Variants in CDH23 observed in about 807,000 individuals in gnomAD.
CDH23 encodes cadherin related 23, also known as cadherin-23.
Under a neutral mutation model 317.1 loss-of-function variants are expected in CDH23, and 189 were observed. That is an observed-to-expected ratio of 0.60 (90% CI 0.53 to 0.67). The LOEUF (loss-of-function observed/expected upper bound fraction) is 0.67, where lower values mean the gene tolerates loss of function less well. Ranked by LOEUF, CDH23 falls within the 30% of genes least tolerant of loss-of-function variation. The probability of loss-of-function intolerance (pLI) is 0.00; values close to 1 mark genes in which losing one functional copy is unlikely to be tolerated. For synonymous variants in CDH23, 1,839 were observed against 1,876.8 expected (o/e 0.98, Z 0.52); for missense variants, 4,401 against 4,592.4 (o/e 0.96, Z 1.20).
intron 9 of CDH23, among the ~76,000 whole-genome samples, chr10:71,601,704 A>G (rs551000870): frequency 6.6e-6 from 1 of 152,328 alleles, no homozygotes; most frequent in Admixed American, 6.5e-5. Flanking sequence ...AGCCAGGGCA[A>G]CTAGCTCTGA....
intron 8 of CDH23, among the ~76,000 whole-genome samples, chr10:71,572,782 A>G (rs373450877): frequency 2.0e-5 from 3 of 152,196 alleles, no homozygotes; most frequent in South Asian, 4.1e-4. Flanking sequence ...CCACTTAATT[A>G]TAGTCTCGCC....
rs778629574 is a variant in CDH23, at chr10:71,809,959, C to T, written c.8862C>T (p.Asp2954=). 2 of 1,612,406 alleles carry T rather than the reference C, an allele frequency of 1.2e-6. No homozygotes were observed. The highest frequency in any genetic ancestry group is 2.2e-5 in the East Asian group (1 of 44,886). Residue 2954 remains aspartate, a synonymous_variant, in exon 61 of 70, where the codon GAC becomes GAT. Coordinates refer to ENST00000224721, the MANE Select transcript of CDH23 (RefSeq NM_022124.6). The part of the protein sequence containing the change: ...AIIGIYILRD[D]QRVKIVINEI... ...TCGGCATCTACATCCTGAGGGACGACCAGCGCGTCAAGATCGTCATTAACG... is the reference window on the plus strand; with the variant it reads ...TCGGCATCTACATCCTGAGGGACGATCAGCGCGTCAAGATCGTCATTAACG...
At chr10:71,440,413 C>G (rs1849820188) in intron 2 of CDH23, among the ~76,000 whole-genome samples, 1 of 152,090 alleles carries the variant, frequency 6.6e-6, no homozygotes. Context: ...GGGCGCGGCT[C>G]CAGGGATGTC....
At chr10:71,773,348 C>T in intron 38 of CDH23, 1 of 1,603,338 alleles carries the variant, frequency 6.2e-7, no homozygotes, top group Non-Finnish European at 8.5e-7. Flanking sequence ...CCCGCCTCCC[C>T]CGACCTTACC....
intron 3 of CDH23, among the ~76,000 whole-genome samples, chr10:71,469,561 C>T (rs1157051676): frequency 1.2e-4 from 18 of 152,010 alleles, no homozygotes; most frequent in Admixed American, 1.2e-3. Flanking sequence ...TGGGTTATTT[C>T]CAGTTTTTGG....
In CDH23 at chr10:71,613,094, C is replaced by A. The variant is rs551676478; in HGVS notation, c.833-2410C>A. 5.3e-5 allele frequency among the ~76,000 whole-genome samples: 8 copies of A among 152,302 alleles called. No homozygotes were observed. In the East Asian group the frequency reaches 1.5e-3, roughly 29 times the overall value. ...GAACTCCTGACTTCAAGTGATCTGC[C>A]CATCTCCGCCTCCCAAAGTGCTGGG... On this transcript the variant is annotated intron_variant, in intron 9 of 69. Transcript: ENST00000224721.
At chr10:71,684,472 T>A (rs778594012) in intron 18 of CDH23, among the ~76,000 whole-genome samples, 44 of 152,164 alleles carry the variant, frequency 2.9e-4, no homozygotes, top group Non-Finnish European at 6.2e-4. Flanking sequence ...GGGGTGTGGC[T>A]GTGGAAAGAG....
At chr10:71,688,969 AGTCCAGGGG>A (rs1564733684) in intron 19 of CDH23, among the ~76,000 whole-genome samples, 27 of 2,286 alleles carry the variant, frequency 0.012, no homozygotes, top group African/African-American at 0.015. Context: ...GGGGTGGTGG[AGTCCAGGGG>A]TGGTGGAGTC....
intron 6 of CDH23, among the ~76,000 whole-genome samples, chr10:71,549,155 G>A (rs2132308425): frequency 6.6e-6 from 1 of 152,378 alleles, no homozygotes; most frequent in South Asian, 2.1e-4. Context: ...CAGCTAAAAG[G>A]CATTCACCTC....
intron 40 of CDH23, 101 bp from the exon 41 acceptor site, chr10:71,779,166 A>C: frequency 1.8e-6 from 2 of 1,131,430 alleles, no homozygotes; most frequent in Admixed American, 3.8e-5. Flanking sequence ...CATGGGCCTC[A>C]TGAGGCAGAA....
chr10:71,599,364 G>C (rs906487266), intron 9 of CDH23, among the ~76,000 whole-genome samples: 1 of 152,136 alleles, frequency 6.6e-6, no homozygotes, highest in African/African-American at 2.4e-5. Context: ...TGGCATCCCT[G>C]ACTTGAATGT....
intron 1 of CDH23, among the ~76,000 whole-genome samples, chr10:71,422,205 T>C (rs770058615): frequency 3.9e-5 from 6 of 152,196 alleles, no homozygotes; most frequent in Middle Eastern, 3.4e-3. Context: ...GAGCACTGGA[T>C]TGGGTGTCAA....
At chr10:71,587,172 G>A (rs1473557717) in intron 9 of CDH23, among the ~76,000 whole-genome samples, 2 of 152,206 alleles carry the variant, frequency 1.3e-5, no homozygotes, top group Admixed American at 1.3e-4. Flanking sequence ...GCAAATGAGC[G>A]GCAGATCCAG....
chr10:71,812,083 T>G, intron 66 of CDH23, 68 bp downstream of exon 66: 2 of 1,612,070 alleles, frequency 1.2e-6, no homozygotes, highest in Non-Finnish European at 8.5e-7. Context: ...TGGGGAGAGC[T>G]GCAGTCTCCC....
rs540884391 is a variant in CDH23 at position 71,732,815 on chromosome 10, C to T, written c.4104+440C>T. 84 of 588,698 alleles carry T rather than the reference C, an allele frequency of 1.4e-4. No individual in the cohort carries two copies. The African/African-American group carries it at 1.7e-3, about 12-fold the overall frequency. The allele number at this position is 588,698 out of a possible 1,614,324, so 36.5% of individuals were successfully genotyped here. On this transcript the variant is annotated intron_variant, in intron 32 of 69. Transcript: ENST00000224721. ...TCGAAGTGTGTGTGGGGTTTTCCCC[C>T]ATTATCGGCAACCAATTATCTGACT...
At chr10:71,537,671 C>CA (rs1456261587) in intron 6 of CDH23, among the ~76,000 whole-genome samples, 1 of 152,110 alleles carries the variant, frequency 6.6e-6, no homozygotes, top group East Asian at 1.9e-4. Flanking sequence ...CAGTCCATCC[C>CA]AAAAAAACCC....
chr10:71,773,460 G>A, intron 38 of CDH23: 1 of 1,577,804 alleles, frequency 6.3e-7, no homozygotes, highest in East Asian at 2.3e-5. Flanking sequence ...GACGCGCAGA[G>A]GAACTTCTGG....
In CDH23 at chr10:71,533,024, G is replaced by A. The variant is rs951686870; in HGVS notation, c.429+21812G>A. Among the ~76,000 whole-genome samples the A allele has an allele frequency of 3.3e-5, 5 of 152,140 alleles. 1 individual carries two copies. Among genetic ancestry groups the A allele is most frequent in the Admixed American group, 2.0e-4 (3 of 15,252 alleles). Reference sequence around the variant, plus strand: ...TGGGATTACAGGCGTGAGCCACTGCGCCCAGCCGAGTATTTTTAATTGTCT... The same window carrying A: ...TGGGATTACAGGCGTGAGCCACTGCACCCAGCCGAGTATTTTTAATTGTCT... On this transcript the variant is annotated intron_variant, in intron 6 of 69. Transcript: ENST00000224721.
intron 7 of CDH23, among the ~76,000 whole-genome samples, chr10:71,569,836 G>A (rs530041433): frequency 6.6e-6 from 1 of 152,286 alleles, no homozygotes; most frequent in African/African-American, 2.4e-5. Context: ...GTTGCAGCAG[G>A]CTACTTAAAC....
Sources: allele counts gnomAD v4.1 joint callset (sites outside exome capture counted in the v4.1 genomes callset), GRCh38; gene constraint gnomAD v4.1.1; transcripts MANE v1.5; gene names NCBI Gene and HGNC (gene_info 2026-07-23, HGNC 2026-07-21).